ABCD4: variants seen among roughly 807,000 people sequenced by gnomAD.
The protein encoded by ABCD4 is lysosomal cobalamin transporter ABCD4.
A neutral mutation model predicts 86.3 loss-of-function variants in ABCD4; 53 were observed. The observed-to-expected ratio is 0.61, with a 90% CI of 0.49 to 0.77. ABCD4 has a LOEUF of 0.77. Ranked by LOEUF, ABCD4 falls within the 30% of genes least tolerant of loss-of-function variation. The pLI is 0.00. For missense variants in ABCD4, 757 were observed against 764.5 expected (o/e 0.99, Z 0.12); for synonymous variants, 328 against 313.6 (o/e 1.05, Z -0.49).
intron 10 of ABCD4, 22 bp downstream of exon 10, chr14:74,292,529 G>A: frequency 6.2e-7 from 1 of 1,612,518 alleles, no homozygotes; most frequent in South Asian, 1.1e-5. Context: ...TCAGGAGCCA[G>A]AGGGGTGGGA....
At chr14:74,292,900 GAACC>G (rs2081923110) in intron 8 of ABCD4, 31 bp from the exon 9 acceptor site, 2 of 1,613,858 alleles carry the variant, frequency 1.2e-6, no homozygotes, top group Non-Finnish European at 1.7e-6. Flanking sequence ...AGACACCCAG[GAACC>G]ATCCACATGC....
At position 74,286,459 on chromosome 14, in the gene ABCD4, C is replaced by T. The variant is rs368005846; in HGVS notation, c.*2G>A. ...GTGGCTCTCCTTCCAAAAGCCAGAGCTTCATTCCACTTTGATTCTCATCAG... is the reference window on the plus strand; with the variant it reads ...GTGGCTCTCCTTCCAAAAGCCAGAGTTTCATTCCACTTTGATTCTCATCAG... On this transcript the variant is annotated 3_prime_UTR_variant, in exon 19 of 19. Coordinates refer to ENST00000356924, the MANE Select transcript of ABCD4 (RefSeq NM_005050.4). 3.7e-6 allele frequency: 6 copies of T among 1,614,178 alleles called. No individual in the cohort carries two copies. Among genetic ancestry groups the T allele is most frequent in the Non-Finnish European group, 5.1e-6 (6 of 1,180,016 alleles).
chr14:74,289,992 AGGAG>A (rs1304139701), intron 13 of ABCD4, 31 bp downstream of exon 13: 14 of 1,613,602 alleles, frequency 8.7e-6, no homozygotes, highest in Non-Finnish European at 1.1e-5. Flanking sequence ...GGCGGGGTTG[AGGAG>A]GGAGGAGTGA....
rs112064632 is a variant in ABCD4 at position 74,297,723 on chromosome 14, C to A, written c.425+207G>T. On this transcript the variant is annotated intron_variant, in intron 4 of 18. Coordinates refer to ENST00000356924, the MANE Select transcript of ABCD4 (RefSeq NM_005050.4). ...TACAGGTGCATGCCACTGCACCTGG[C>A]AGGCTTCTTCTTTTTAGCTGCCTAT... The A allele has an allele frequency of 1.0e-3, 1,329 of 1,294,114 alleles. 11 individuals are homozygous for A. In the African/African-American group the frequency reaches 0.018, roughly 17 times the overall value. 80.2% of individuals were successfully genotyped at this position (1,294,114 alleles called of 1,614,324 possible).
intron 14 of ABCD4, 132 bp downstream of exon 14, chr14:74,289,351 A>G: frequency 6.8e-7 from 1 of 1,474,572 alleles, no homozygotes; most frequent in East Asian, 2.5e-5. Context: ...GGAAGAGGAG[A>G]GGAGCCCCTC....
chr14:74,288,530 T>G (rs991965171), intron 15 of ABCD4, 186 bp downstream of exon 15: 1 of 692,898 alleles, frequency 1.4e-6, no homozygotes, highest in African/African-American at 1.8e-5. Context: ...AATTCTCCAA[T>G]GAGAGCACTA....
intron 2 of ABCD4, 89 bp from the exon 3 acceptor site, chr14:74,299,764 CAA>C: frequency 7.2e-7 from 1 of 1,386,428 alleles, no homozygotes; most frequent in East Asian, 2.5e-5. Flanking sequence ...ATCAGCACCC[CAA>C]AGAGATGAAA....
intron 11 of ABCD4, among the ~76,000 whole-genome samples, chr14:74,290,802 A>G (rs567558100): frequency 6.8e-6 from 1 of 146,050 alleles, no homozygotes; most frequent in African/African-American, 2.6e-5. Context: ...TTCCTGTCCC[A>G]GCCTCCTGAG....
At chr14:74,292,007 G>A (rs942741062) in intron 11 of ABCD4, among the ~76,000 whole-genome samples, 2 of 152,190 alleles carry the variant, frequency 1.3e-5, no homozygotes, top group African/African-American at 4.8e-5. Flanking sequence ...ATCAGCGGGA[G>A]GAGGAAGCAC....
Position 74,292,774 on chromosome 14 carries a change from C to T in ABCD4, c.910G>A (p.Ala304Thr), listed in dbSNP as rs4148077. The T allele has an allele frequency of 0.35, 562,530 of 1,613,482 alleles. 101,222 individuals carry two copies. The highest frequency in any genetic ancestry group is 0.53 in the Middle Eastern group (3,195 of 6,060). The change falls in exon 9 of 19, where the codon GCA becomes ACA. Residue 304 changes from alanine (A) to threonine (T), a missense_variant. Coordinates refer to ENST00000356924, the MANE Select transcript of ABCD4 (RefSeq NM_005050.4). The part of the protein sequence containing the change: ...FSGVYGDLSP[A>T]ELSTLVSKNA... ...TTGCTGACCAGGGTGCTAAGCTCTG[C>T]GGGACTCAGGTCTCCATAGACCCCG...
chr14:74,289,130 AAAAAAAAAG>A, intron 14 of ABCD4: 1 of 1,063,136 alleles, frequency 9.4e-7, no homozygotes, highest in Non-Finnish European at 1.1e-6. Context: ...AAAAAAAAAA[AAAAAAAAAG>A]AATAGACAGG....
At chr14:74,302,462 C>T (rs986639285) in intron 1 of ABCD4, among the ~76,000 whole-genome samples, 1 of 152,136 alleles carries the variant, frequency 6.6e-6, no homozygotes, top group Non-Finnish European at 1.5e-5. Context: ...GAGTGGCTGT[C>T]TGAAAAGGGG....
intron 11 of ABCD4, among the ~76,000 whole-genome samples, chr14:74,291,174 C>T (rs1259271145): frequency 2.0e-5 from 3 of 152,160 alleles, no homozygotes; most frequent in Non-Finnish European, 4.4e-5. Context: ...ACAACTTGAT[C>T]GTGGACCATA....
At chr14:74,295,802 C>G in intron 6 of ABCD4, 52 bp downstream of exon 6, 3 of 1,606,776 alleles carry the variant, frequency 1.9e-6, no homozygotes, top group Non-Finnish European at 2.5e-6. Context: ...TCCAGATCCC[C>G]TTCCTTAACT....
chr14:74,298,208 C>T (rs142140500), intron 3 of ABCD4, 139 bp from the exon 4 acceptor site: 1 of 1,440,312 alleles, frequency 6.9e-7, no homozygotes, highest in Non-Finnish European at 9.1e-7. Flanking sequence ...CAGCACTTTT[C>T]TTTTTTAAAT....
chr14:74,292,221 G>A, intron 11 of ABCD4, 66 bp downstream of exon 11: 1 of 1,520,764 alleles, frequency 6.6e-7, no homozygotes, highest in Non-Finnish European at 9.1e-7. Flanking sequence ...GGACTCCAGG[G>A]TAACCCAAGC....
rs1463741270 is a variant in ABCD4 at position 74,296,076 on chromosome 14, C to T, written c.543-97G>A. On this transcript the variant is annotated intron_variant, in intron 5 of 18. Coordinates refer to ENST00000356924, the MANE Select transcript of ABCD4 (RefSeq NM_005050.4). ...ACTCCTGTTCCCTCTCAGGTAGCCCCTGTCCAATCTGAGTGGCCCAATGGG... is the reference window on the plus strand; with the variant it reads ...ACTCCTGTTCCCTCTCAGGTAGCCCTTGTCCAATCTGAGTGGCCCAATGGG... 8 of 1,483,256 alleles carry T rather than the reference C, an allele frequency of 5.4e-6. No homozygotes were observed. The Admixed American group carries it at 1.4e-4, about 26-fold the overall frequency. The allele number at this position is 1,483,256 out of a possible 1,614,324, so 91.9% of individuals were successfully genotyped here.
At chr14:74,286,874 T>C in intron 17 of ABCD4, 58 bp from the exon 18 acceptor site, 2 of 1,522,200 alleles carry the variant, frequency 1.3e-6, no homozygotes, top group African/African-American at 2.7e-5. Context: ...CGCCGCTGCT[T>C]CTCCTCCCAC....
chr14:74,296,710 C>CTGT, intron 4 of ABCD4: 1 of 415,302 alleles, frequency 2.4e-6, no homozygotes. Flanking sequence ...GGTCCAGTAC[C>CTGT]CAGGGGCCTG....
Sources: gnomAD v4.1 joint callset for allele counts (sites outside exome capture counted in the v4.1 genomes callset) on GRCh38, gnomAD v4.1.1 for gene constraint, MANE v1.5 for transcripts, NCBI Gene and HGNC (gene_info 2026-07-23, HGNC 2026-07-21) for gene names.